The following TASP1 variants were observed in gnomAD, a reference collection of about 807,000 sequenced individuals.
TASP1 encodes threonine aspartase 1.
In TASP1, 16 loss-of-function variants were observed where a neutral mutation model predicts 56.6. The observed-to-expected ratio is 0.28, with a 90% CI of 0.19 to 0.43. TASP1 has a LOEUF of 0.43. TASP1 is among the 20% of genes least tolerant of loss of function. The probability of loss-of-function intolerance (pLI) is 1.00; values close to 1 mark genes in which losing one functional copy is unlikely to be tolerated. For synonymous variants in TASP1, 179 were observed against 184.2 expected, an observed-to-expected ratio of 0.97 and a Z score of 0.23; for missense variants, 393 against 511.6, an observed-to-expected ratio of 0.77 and a Z score of 2.24.
At chr20:13,248,838 G>A in the TASP1 span, among the ~76,000 whole-genome samples, 1 of 152,174 alleles carries the variant, frequency 6.6e-6, no homozygotes, top group African/African-American at 2.4e-5. Context: ...ATTTCTATCT[G>A]CAAAACCGAG....
At chr20:13,542,238 T>A (rs921618297) in intron 8 of TASP1, among the ~76,000 whole-genome samples, 5 of 152,060 alleles carry the variant, frequency 3.3e-5, no homozygotes, top group African/African-American at 1.2e-4. Flanking sequence ...TGAAACTATG[T>A]TAACATCACA....
chr20:13,378,782 G>C, the TASP1 span, among the ~76,000 whole-genome samples: 1 of 152,122 alleles, frequency 6.6e-6, no homozygotes, highest in Non-Finnish European at 1.5e-5. Context: ...ATATATTTAG[G>C]ATAGTTAGCT....
rs2047183584 is a variant in TASP1, at chr20:13,583,127, C to T, written c.404-2146G>A. Among the ~76,000 whole-genome samples, 8 of 152,230 alleles carry T rather than the reference C, an allele frequency of 5.3e-5. No individual in the cohort carries two copies. In the South Asian group the frequency reaches 1.7e-3, roughly 32 times the overall value. ...TTCAGGTCATTGATACCCACACCCA[C>T]TCCTCAGCCCCATAGGCACACATAG... is the stretch of plus-strand genomic sequence containing the variant. On this transcript the variant is annotated intron_variant, in intron 5 of 13. Transcript: ENST00000337743.
chr20:13,574,362 T>C (rs1218656433), intron 6 of TASP1, among the ~76,000 whole-genome samples: 1 of 152,086 alleles, frequency 6.6e-6, no homozygotes, highest in Non-Finnish European at 1.5e-5. Context: ...TAGAATAAAA[T>C]GTAAGAATAG....
intron 4 of TASP1, among the ~76,000 whole-genome samples, chr20:13,594,221 A>T (rs1368696956): frequency 1.3e-5 from 2 of 152,220 alleles, no homozygotes; most frequent in African/African-American, 4.8e-5. Context: ...CCCCATCTGT[A>T]GGTCACCAAC....
the TASP1 span, chr20:13,110,245 G>T: frequency 6.3e-7 from 1 of 1,587,146 alleles, no homozygotes; most frequent in South Asian, 1.1e-5. Context: ...CACATTTTAC[G>T]ACTCGGAGGC....
At chr20:13,266,282 G>C in the TASP1 span, among the ~76,000 whole-genome samples, 1 of 152,200 alleles carries the variant, frequency 6.6e-6, no homozygotes, top group East Asian at 1.9e-4. Context: ...ATGCTAGGCT[G>C]TAAGAAGAGG....
At chr20:13,343,462 A>G in the TASP1 span, among the ~76,000 whole-genome samples, 1 of 152,188 alleles carries the variant, frequency 6.6e-6, no homozygotes, top group African/African-American at 2.4e-5. Context: ...CTCACACCAT[A>G]CCCAGACAGA....
chr20:13,223,156 C>CAAAAAA, the TASP1 span, among the ~76,000 whole-genome samples: 1 of 120,126 alleles, frequency 8.3e-6, no homozygotes, highest in African/African-American at 3.3e-5. Flanking sequence ...GACTCCGTCT[C>CAAAAAA]AAAAAAAAAA....
At chr20:13,220,545 C>T in the TASP1 span, among the ~76,000 whole-genome samples, 1 of 152,222 alleles carries the variant, frequency 6.6e-6, no homozygotes, top group South Asian at 2.1e-4. Flanking sequence ...GAGATTCACT[C>T]CGAGTTCCTG....
the TASP1 span, among the ~76,000 whole-genome samples, chr20:13,382,511 T>C: frequency 2.2e-4 from 33 of 152,144 alleles, no homozygotes; most frequent in African/African-American, 7.0e-4. Context: ...CTGGGTATCA[T>C]GGTGTACACC....
At chr20:13,222,726 G>C in the TASP1 span, among the ~76,000 whole-genome samples, 1 of 152,220 alleles carries the variant, frequency 6.6e-6, no homozygotes, top group Non-Finnish European at 1.5e-5. Flanking sequence ...TCTGACTTAG[G>C]AATAGAATTG....
At chr20:13,278,398 C>T in the TASP1 span, among the ~76,000 whole-genome samples, 1 of 151,922 alleles carries the variant, frequency 6.6e-6, no homozygotes, top group Admixed American at 6.6e-5. Context: ...GGGAAAGCCT[C>T]GTCTTGAGGA....
At chr20:13,395,217 A>T (rs894363128) in intron 13 of TASP1, among the ~76,000 whole-genome samples, 1 of 152,200 alleles carries the variant, frequency 6.6e-6, no homozygotes, top group South Asian at 2.1e-4. Flanking sequence ...ATAGTGCTGC[A>T]TTAATAACAT....
chr20:13,629,075 A>G (rs965026099), intron 2 of TASP1, among the ~76,000 whole-genome samples: 1 of 152,152 alleles, frequency 6.6e-6, no homozygotes, highest in Non-Finnish European at 1.5e-5. Context: ...TTAAAATATT[A>G]AGAGGGTGGG....
rs112079275 is a variant in TASP1, at chr20:13,608,653, T to G, written c.282+14793A>C. Among the ~76,000 whole-genome samples the G allele has an allele frequency of 2.7e-3, 406 of 152,382 alleles. 1 individual carries two copies. The highest frequency in any genetic ancestry group is 5.0e-3 in the Non-Finnish European group (339 of 68,034). On this transcript the variant is annotated intron_variant, in intron 4 of 13. Coordinates refer to ENST00000337743, the MANE Select transcript of TASP1 (RefSeq NM_017714.3). ...CTTCTCTGGTGTCATGAAATATTAT[T>G]CTTCTTTTGATTTTGTTTCAACCAT...
chr20:13,173,408 A>C, the TASP1 span, among the ~76,000 whole-genome samples: 2 of 152,220 alleles, frequency 1.3e-5, no homozygotes, highest in East Asian at 3.9e-4. Flanking sequence ...TAGACCAGTT[A>C]CTTCTTGCGT....
At chr20:13,584,403 T>G (rs572809678) in intron 5 of TASP1, among the ~76,000 whole-genome samples, 1 of 152,164 alleles carries the variant, frequency 6.6e-6, no homozygotes, top group East Asian at 1.9e-4. Context: ...TAAACAGGGT[T>G]AAAACGCAAG....
chr20:13,208,948 C>T, the TASP1 span, among the ~76,000 whole-genome samples: 984 of 152,308 alleles, frequency 6.5e-3, 11 homozygotes, highest in African/African-American at 0.022. Flanking sequence ...TACTGACACA[C>T]GTGGAGTGTA....
Sources: allele counts gnomAD v4.1 joint callset (sites outside exome capture counted in the v4.1 genomes callset), GRCh38; gene constraint gnomAD v4.1.1; transcripts MANE v1.5; gene names NCBI Gene and HGNC (gene_info 2026-07-23, HGNC 2026-07-21).